Variants in ANK2 observed in about 807,000 individuals in gnomAD.
ANK2 encodes ankyrin-2.
A neutral mutation model predicts 360.5 loss-of-function variants in ANK2; 83 were observed. The ratio of observed to expected loss-of-function variants is 0.23; its 90% CI spans 0.19 to 0.28. ANK2 has a LOEUF of 0.28. Among genes scored for constraint, ANK2 ranks in the 10% least tolerant of loss-of-function variants. The pLI, the probability that ANK2 is intolerant of heterozygous loss-of-function variation, is 1.00. For missense variants in ANK2, 4,201 were observed against 4,795.7 expected, an observed-to-expected ratio of 0.88 and a Z score of 3.66; for synonymous variants, 1,740 against 1,759.5, an observed-to-expected ratio of 0.99 and a Z score of 0.28.
intron 29 of ANK2, 119 bp from the exon 30 acceptor site, chr4:113,335,726 CA>C (rs1050855688): frequency 1.6e-5 from 17 of 1,072,412 alleles, no homozygotes; most frequent in South Asian, 4.0e-5. Flanking sequence ...CCTGTTGTTT[CA>C]AAAAAATGTG....
intron 2 of ANK2, 23 bp downstream of exon 2, chr4:113,174,540 T>A (rs1178597425): frequency 6.5e-7 from 1 of 1,528,294 alleles, no homozygotes; most frequent in Non-Finnish European, 9.0e-7. Context: ...CAGCTAGCTC[T>A]GTGTTGTGCA....
chr4:113,002,320 C>T (rs1460115398), intron 2 of ANK2, among the ~76,000 whole-genome samples: 1 of 152,118 alleles, frequency 6.6e-6, no homozygotes, highest in African/African-American at 2.4e-5. Flanking sequence ...CCCAAATGTC[C>T]AACAATGGTA....
intron 2 of ANK2, among the ~76,000 whole-genome samples, chr4:113,015,134 A>C (rs1167702031): frequency 6.6e-6 from 1 of 152,188 alleles, no homozygotes; most frequent in Non-Finnish European, 1.5e-5. Context: ...CTGGGATTAC[A>C]GGCGTGAGCC....
At chr4:112,741,555 A>T in the ANK2 span, among the ~76,000 whole-genome samples, 4 of 152,208 alleles carry the variant, frequency 2.6e-5, no homozygotes, top group Admixed American at 1.3e-4. Context: ...GCCTCTGTCC[A>T]TACAGACGCC....
At chr4:113,052,078 CA>C (rs890147329) in intron 1 of ANK2, among the ~76,000 whole-genome samples, 21 of 152,026 alleles carry the variant, frequency 1.4e-4, no homozygotes, top group African/African-American at 3.9e-4. Context: ...TTTTTTATCT[CA>C]AAAAATCATT....
At position 113,164,323 on chromosome 4, in the gene ANK2, A is replaced by G. The variant is rs796598709; in HGVS notation, c.85-10093A>G. 7.2e-5 allele frequency among the ~76,000 whole-genome samples: 11 copies of G among 152,366 alleles called. No homozygotes were observed. The South Asian group carries it at 1.9e-3, about 26-fold the overall frequency. On this transcript the variant is annotated intron_variant, in intron 1 of 45. Transcript: ENST00000357077. ...TCCACGTGCATCTTCATGGGGCCACACTAAGATCAACAGTGTGAGAAAATG... is the reference window on the plus strand; with the variant it reads ...TCCACGTGCATCTTCATGGGGCCACGCTAAGATCAACAGTGTGAGAAAATG...
At chr4:113,083,770 A>G (rs1229109397) in intron 1 of ANK2, among the ~76,000 whole-genome samples, 1 of 152,212 alleles carries the variant, frequency 6.6e-6, no homozygotes, top group African/African-American at 2.4e-5. Context: ...AGAATTTAAA[A>G]TATTTTATTT....
intron 1 of ANK2, among the ~76,000 whole-genome samples, chr4:113,128,608 G>A (rs893661663): frequency 3.9e-5 from 6 of 152,190 alleles, no homozygotes; most frequent in African/African-American, 1.4e-4. Flanking sequence ...TCCTGCCTTA[G>A]CCTCCCGAGT....
At chr4:113,094,188 TCTG>T (rs950389480) in intron 1 of ANK2, among the ~76,000 whole-genome samples, 4 of 152,250 alleles carry the variant, frequency 2.6e-5, no homozygotes, top group African/African-American at 9.6e-5. Flanking sequence ...AGGCAATTTT[TCTG>T]CTTATTTTAA....
At chr4:112,727,699 C>T in the ANK2 span, among the ~76,000 whole-genome samples, 2 of 152,146 alleles carry the variant, frequency 1.3e-5, no homozygotes, top group East Asian at 1.9e-4. Context: ...GGCTGGGCGC[C>T]TGTAATCCTG....
the ANK2 span, among the ~76,000 whole-genome samples, chr4:112,783,047 C>G: frequency 1.3e-5 from 2 of 151,864 alleles, no homozygotes; most frequent in Non-Finnish European, 2.9e-5. Flanking sequence ...GTAGCTGGGA[C>G]TACAGGCGTG....
intron 1 of ANK2, among the ~76,000 whole-genome samples, chr4:113,164,223 A>AT (rs1371676443): frequency 6.6e-6 from 1 of 152,220 alleles, no homozygotes; most frequent in East Asian, 1.9e-4. Flanking sequence ...TTAAGCTATA[A>AT]TTAAGTGATA....
At chr4:113,043,459 C>T (rs558230523) in intron 2 of ANK2, among the ~76,000 whole-genome samples, 12 of 151,794 alleles carry the variant, frequency 7.9e-5, no homozygotes, top group East Asian at 5.8e-4. Context: ...AAAAAAGAGA[C>T]AGGGTCTCAC....
chr4:112,842,977 G>A (rs1392039038), intron 1 of ANK2, among the ~76,000 whole-genome samples: 2 of 152,088 alleles, frequency 1.3e-5, no homozygotes, highest in African/African-American at 4.8e-5. Context: ...AGTTGCCTGG[G>A]GACAACCGTC....
intron 14 of ANK2, among the ~76,000 whole-genome samples, chr4:113,273,245 T>C (rs970343573): frequency 3.3e-5 from 5 of 152,232 alleles, no homozygotes; most frequent in Admixed American, 2.0e-4. Context: ...TAATTTTTCT[T>C]AATATTGACC....
At chr4:112,991,521 G>A (rs550574992) in intron 2 of ANK2, among the ~76,000 whole-genome samples, 106 of 151,476 alleles carry the variant, frequency 7.0e-4, no homozygotes, top group African/African-American at 2.4e-3. Context: ...TTAAGTTCAT[G>A]TGTTACACAC....
intron 4 of ANK2, among the ~76,000 whole-genome samples, chr4:113,229,327 C>T (rs375995958): frequency 1.3e-5 from 2 of 152,190 alleles, no homozygotes; most frequent in South Asian, 2.1e-4. Flanking sequence ...TCTTGGATCA[C>T]GGCCCCGTTC....
intron 43 of ANK2, 98 bp downstream of exon 43, chr4:113,369,903 A>C (rs2096668079): frequency 6.7e-6 from 10 of 1,491,112 alleles, no homozygotes; most frequent in Non-Finnish European, 9.2e-6. Context: ...ACTTCAAAAC[A>C]AAAAAGTTAA....
the ANK2 span, among the ~76,000 whole-genome samples, chr4:112,764,223 A>T: frequency 7.9e-5 from 12 of 151,942 alleles, no homozygotes; most frequent in African/African-American, 2.9e-4. Flanking sequence ...GATTATAGGC[A>T]TGAGCCACTG....
Sources: gnomAD v4.1 joint callset for allele counts (sites outside exome capture counted in the v4.1 genomes callset) on GRCh38, gnomAD v4.1.1 for gene constraint, MANE v1.5 for transcripts, NCBI Gene and HGNC (gene_info 2026-07-23, HGNC 2026-07-21) for gene names.